IQCJ: variants seen among roughly 807,000 people sequenced by gnomAD.
The protein encoded by IQCJ is IQ motif containing J, also known as IQ domain-containing protein J.
A neutral mutation model predicts 11.0 loss-of-function variants in IQCJ; 9 were observed. That is an observed-to-expected ratio of 0.82 (90% CI 0.49 to 1.43). The LOEUF (loss-of-function observed/expected upper bound fraction) is 1.43, where lower values mean the gene tolerates loss of function less well. Among genes scored for constraint, IQCJ ranks in the 40% most tolerant of loss-of-function variants. IQCJ has a pLI of 0.00. For missense variants in IQCJ, 146 were observed against 133.2 expected, an observed-to-expected ratio of 1.10 and a Z score of -0.47; for synonymous variants, 55 against 51.3, an observed-to-expected ratio of 1.07 and a Z score of -0.31.
At chr3:159,130,651 G>T (rs79701007) in intron 1 of IQCJ, among the ~76,000 whole-genome samples, 3,239 of 152,174 alleles carry the variant, frequency 0.021, 115 homozygotes, top group African/African-American at 0.074. Flanking sequence ...AGCTTCTCAG[G>T]TATATATTTA....
chr3:159,119,065 G>A (rs971559865), intron 1 of IQCJ, among the ~76,000 whole-genome samples: 2 of 152,156 alleles, frequency 1.3e-5, no homozygotes, highest in Non-Finnish European at 2.9e-5. Context: ...TCTGAGAACC[G>A]AGCCTTGGCA....
chr3:159,240,552 A>T (rs1320638473), intron 1 of IQCJ, among the ~76,000 whole-genome samples: 2 of 152,210 alleles, frequency 1.3e-5, no homozygotes, highest in Non-Finnish European at 2.9e-5. Context: ...ACTAAATTCT[A>T]AATTGTATTT....
In IQCJ at chr3:159,258,423, G is replaced by A. The variant is rs543436000; in HGVS notation, c.156-4125G>A. ...GTAGGATCTGTTTCATCCAAAGCTC[G>A]TGGGTAAAGAGTTGGTGGATCCGCA... On this transcript the variant is annotated intron_variant, in intron 3 of 3. Coordinates refer to ENST00000397832, the MANE Select transcript of IQCJ (RefSeq NM_001042706.3). Among the ~76,000 whole-genome samples, 13 of 152,278 alleles carry A rather than the reference G, an allele frequency of 8.5e-5. No homozygotes were observed. In the East Asian group the frequency reaches 1.7e-3, roughly 20 times the overall value.
intron 1 of IQCJ, among the ~76,000 whole-genome samples, chr3:159,203,509 T>G (rs950729795): frequency 2.6e-5 from 4 of 151,818 alleles, no homozygotes; most frequent in Non-Finnish European, 5.9e-5. Context: ...CACCCTCCCC[T>G]CCTAAGAGGT....
At chr3:159,114,972 A>T (rs1016438070) in intron 1 of IQCJ, among the ~76,000 whole-genome samples, 1 of 152,214 alleles carries the variant, frequency 6.6e-6, no homozygotes, top group Admixed American at 6.5e-5. Context: ...TGCTTTAAAA[A>T]TAGCACATCA....
intron 3 of IQCJ, among the ~76,000 whole-genome samples, chr3:159,261,988 A>G (rs957378428): frequency 3.9e-5 from 6 of 152,134 alleles, no homozygotes; most frequent in African/African-American, 1.4e-4. Flanking sequence ...CTTGTGCCCC[A>G]CAGCAGGGCC....
intron 1 of IQCJ, among the ~76,000 whole-genome samples, chr3:159,102,300 C>T (rs987896942): frequency 6.6e-6 from 1 of 152,190 alleles, no homozygotes; most frequent in Non-Finnish European, 1.5e-5. Flanking sequence ...TTCACTTTTA[C>T]AGTACACCTT....
chr3:159,222,470 T>G (rs1725607838), intron 1 of IQCJ, among the ~76,000 whole-genome samples: 2 of 152,162 alleles, frequency 1.3e-5, no homozygotes, highest in Admixed American at 6.5e-5. Context: ...AGGTTTCCCT[T>G]TCCCCTGTAT....
intron 1 of IQCJ, among the ~76,000 whole-genome samples, chr3:159,231,940 G>T (rs1195451399): frequency 1.3e-5 from 2 of 152,162 alleles, no homozygotes; most frequent in African/African-American, 4.8e-5. Flanking sequence ...AATATTCTTT[G>T]ATGGTAGCTT....
At chr3:159,092,523 C>A (rs965516738) in intron 1 of IQCJ, among the ~76,000 whole-genome samples, 1 of 151,752 alleles carries the variant, frequency 6.6e-6, no homozygotes, top group Non-Finnish European at 1.5e-5. Context: ...CACGGTGAAA[C>A]CCCCTCTCTA....
At chr3:159,160,881 A>G (rs571662069) in intron 1 of IQCJ, among the ~76,000 whole-genome samples, 126 of 152,244 alleles carry the variant, frequency 8.3e-4, no homozygotes, top group African/African-American at 2.6e-3. Context: ...TTATGGCTGC[A>G]TAGTATTCCA....
downstream of IQCJ, among the ~76,000 whole-genome samples, chr3:159,264,296 G>A (rs573148030): frequency 3.3e-4 from 50 of 152,104 alleles, no homozygotes; most frequent in Non-Finnish European, 5.6e-4. Flanking sequence ...ATATTTGTAC[G>A]GCTGTACTGC....
chr3:159,253,515 C>T (rs1031265880), intron 3 of IQCJ, among the ~76,000 whole-genome samples: 3 of 151,830 alleles, frequency 2.0e-5, no homozygotes, highest in South Asian at 2.1e-4. Context: ...GACCGTTTTC[C>T]GAGATCTTTT....
At chr3:159,185,929 GA>G (rs1411186068) in intron 1 of IQCJ, among the ~76,000 whole-genome samples, 1 of 152,190 alleles carries the variant, frequency 6.6e-6, no homozygotes, top group Non-Finnish European at 1.5e-5. Flanking sequence ...TTGCTAGAAG[GA>G]AGTCACTAAC....
chr3:159,186,684 T>G (rs908634832), intron 1 of IQCJ, among the ~76,000 whole-genome samples: 4 of 152,214 alleles, frequency 2.6e-5, no homozygotes, highest in African/African-American at 9.6e-5. Flanking sequence ...CTGTTATTGT[T>G]CTGTCTTACT....
chr3:159,197,034 G>A (rs1419799223), intron 1 of IQCJ, among the ~76,000 whole-genome samples: 1 of 151,710 alleles, frequency 6.6e-6, no homozygotes, highest in Non-Finnish European at 1.5e-5. Context: ...TTCATTAAAG[G>A]CACCTGGTTG....
At chr3:159,265,429 T>A, downstream of IQCJ, 1 of 1,568,730 alleles carries the variant, frequency 6.4e-7, no homozygotes, top group South Asian at 1.1e-5. Flanking sequence ...ATGGAGGGAA[T>A]AGGATGATCC....
At chr3:159,153,938 C>T (rs1250179869) in intron 1 of IQCJ, among the ~76,000 whole-genome samples, 1 of 152,186 alleles carries the variant, frequency 6.6e-6, no homozygotes, top group Admixed American at 6.5e-5. Context: ...CTCTTGGAAG[C>T]TTAGTCTGAG....
intron 1 of IQCJ, among the ~76,000 whole-genome samples, chr3:159,178,217 G>C (rs1018412121): frequency 6.6e-6 from 1 of 152,114 alleles, no homozygotes; most frequent in Non-Finnish European, 1.5e-5. Flanking sequence ...TGAAAGGTAG[G>C]TGACATGAAG....
Sources: allele counts gnomAD v4.1 joint callset (sites outside exome capture counted in the v4.1 genomes callset), GRCh38; gene constraint gnomAD v4.1.1; transcripts MANE v1.5; gene names NCBI Gene and HGNC (gene_info 2026-07-23, HGNC 2026-07-21).